The following PRIM2 variants were observed in gnomAD, a reference collection of about 807,000 sequenced individuals.
PRIM2 encodes the protein DNA primase subunit 2.
Under a neutral mutation model 67.3 loss-of-function variants are expected in PRIM2, and 39 were observed. The observed-to-expected ratio is 0.58, with a 90% CI of 0.45 to 0.76. PRIM2 has a LOEUF of 0.76. PRIM2 is among the 30% of genes least tolerant of loss of function. The probability of loss-of-function intolerance (pLI) is 0.00; values close to 1 mark genes in which losing one functional copy is unlikely to be tolerated. For synonymous variants in PRIM2, 143 were observed against 198.7 expected (o/e 0.72, Z 2.36); for missense variants, 398 against 598.7 (o/e 0.66, Z 3.50).
At chr6:57,638,162 C>T (rs1471373831) in intron 13 of PRIM2, among the ~76,000 whole-genome samples, 33 of 152,122 alleles carry the variant, frequency 2.2e-4, no homozygotes, top group East Asian at 1.7e-3. Context: ...CCTTCATAAG[C>T]GAAGGAGAAA....
chr6:57,292,575 C>G, the PRIM2 span, among the ~76,000 whole-genome samples: 1 of 152,180 alleles, frequency 6.6e-6, no homozygotes, highest in Admixed American at 6.5e-5. Context: ...TTGGAGGCAT[C>G]ATGCTACCTG....
chr6:57,328,533 T>C (rs1767950434), intron 5 of PRIM2, among the ~76,000 whole-genome samples: 1 of 152,262 alleles, frequency 6.6e-6, no homozygotes, highest in South Asian at 2.1e-4. Flanking sequence ...TATTAATTTT[T>C]TAATTGCCAA....
At chr6:57,588,344 G>A (rs1339657659) in intron 10 of PRIM2, among the ~76,000 whole-genome samples, 2 of 151,822 alleles carry the variant, frequency 1.3e-5, no homozygotes, top group Non-Finnish European at 2.9e-5. Flanking sequence ...GGTGACTGTG[G>A]GGAAGGGGGC....
intron 7 of PRIM2, among the ~76,000 whole-genome samples, chr6:57,383,937 A>G (rs5004412): frequency 1.3e-5 from 2 of 152,258 alleles, no homozygotes; most frequent in East Asian, 3.9e-4. Flanking sequence ...GTTAGTTAGT[A>G]TTTTCTTTTC....
intron 10 of PRIM2, among the ~76,000 whole-genome samples, chr6:57,594,512 T>C (rs1776333485): frequency 1.3e-5 from 2 of 152,096 alleles, no homozygotes; most frequent in Non-Finnish European, 2.9e-5. Context: ...GTTCCAAATA[T>C]AGACCTACAC....
chr6:57,301,981 G>T, the PRIM2 span, among the ~76,000 whole-genome samples: 1 of 152,134 alleles, frequency 6.6e-6, no homozygotes, highest in Non-Finnish European at 1.5e-5. Flanking sequence ...ATTCAGGATA[G>T]GCACTTCAGA....
At chr6:57,420,274 G>A (rs1771423337) in intron 7 of PRIM2, among the ~76,000 whole-genome samples, 1 of 152,174 alleles carries the variant, frequency 6.6e-6, no homozygotes, top group Non-Finnish European at 1.5e-5. Flanking sequence ...GGAGGCCAAG[G>A]CGGGTAGATC....
chr6:57,320,917 T>C (rs987218000), intron 3 of PRIM2, among the ~76,000 whole-genome samples: 3 of 152,186 alleles, frequency 2.0e-5, no homozygotes, highest in East Asian at 1.9e-4. Flanking sequence ...TATAGATGCA[T>C]GCTCCAGGAA....
chr6:57,394,972 C>G (rs1430644793), intron 7 of PRIM2, among the ~76,000 whole-genome samples: 1 of 152,086 alleles, frequency 6.6e-6, no homozygotes, highest in Non-Finnish European at 1.5e-5. Context: ...CATTTATTGA[C>G]TTGCATATGT....
In PRIM2 at chr6:57,614,066, C is replaced by T. The variant is rs1461826828; in HGVS notation, c.1230+7609C>T. On this transcript the variant is annotated intron_variant, in intron 12 of 13. Transcript: ENST00000615550. Reference sequence around the variant, plus strand: ...CCCTGGGCCACGGACTGGTACTTGTCCATGGCCTGTTAGGAACAGCAGGAG... The same window carrying T: ...CCCTGGGCCACGGACTGGTACTTGTTCATGGCCTGTTAGGAACAGCAGGAG... Among the ~76,000 whole-genome samples the T allele has an allele frequency of 7.4e-3, 1,123 of 151,740 alleles. 5 individuals are homozygous for T. Among genetic ancestry groups the T allele is most frequent in the Middle Eastern group, 0.017 (5 of 292 alleles).
rs1434489027 is a variant in PRIM2, at chr6:57,638,755, A to G, written c.1299+6554A>G. On this transcript the variant is annotated intron_variant, in intron 13 of 13. Transcript: ENST00000615550. ...ACCCAATACAGGAGTGGCCAGATTC[A>G]TAAAGCGAGTTCTTAGAGATGTACA... Among the ~76,000 whole-genome samples, 19 of 152,252 alleles carry G rather than the reference A, an allele frequency of 1.2e-4. No homozygotes were observed. The South Asian group carries it at 3.3e-3, about 27-fold the overall frequency.
chr6:57,435,402 T>C (rs1771978046), intron 7 of PRIM2, among the ~76,000 whole-genome samples: 1 of 152,172 alleles, frequency 6.6e-6, no homozygotes, highest in South Asian at 2.1e-4. Context: ...CCTGAGACTC[T>C]TTTTTCACCT....
chr6:57,450,418 C>G (rs1459917522), intron 7 of PRIM2, among the ~76,000 whole-genome samples: 4 of 152,146 alleles, frequency 2.6e-5, no homozygotes, highest in African/African-American at 9.7e-5. Context: ...TTTGAGTGCT[C>G]TTTGATTCTT....
chr6:57,371,808 A>G (rs918917417), intron 5 of PRIM2, among the ~76,000 whole-genome samples: 6 of 152,240 alleles, frequency 3.9e-5, no homozygotes, highest in African/African-American at 7.2e-5. Context: ...TTTGAGAATT[A>G]TAACTTGGCT....
At chr6:57,571,660 C>G (rs1376855956) in intron 10 of PRIM2, among the ~76,000 whole-genome samples, 1 of 149,560 alleles carries the variant, frequency 6.7e-6, no homozygotes, top group Non-Finnish European at 1.5e-5. Context: ...AAAAAGAAAC[C>G]AAAACAAAAC....
intron 7 of PRIM2, among the ~76,000 whole-genome samples, chr6:57,461,536 A>T (rs1773001705): frequency 6.6e-6 from 1 of 152,062 alleles, no homozygotes; most frequent in Admixed American, 6.6e-5. Context: ...AGTGAATTCA[A>T]TGCAAGTTTA....
intron 10 of PRIM2, among the ~76,000 whole-genome samples, chr6:57,551,812 T>A (rs1775409551): frequency 6.6e-6 from 1 of 152,232 alleles, no homozygotes; most frequent in Non-Finnish European, 1.5e-5. Flanking sequence ...TGCTGTTTAG[T>A]GCCTGGATGT....
the PRIM2 span, among the ~76,000 whole-genome samples, chr6:57,246,502 G>A: frequency 6.6e-6 from 1 of 152,182 alleles, no homozygotes; most frequent in East Asian, 1.9e-4. Context: ...TGATGGGGGA[G>A]GAGCAGGAGT....
chr6:57,389,149 G>T (rs1770245861), intron 7 of PRIM2, among the ~76,000 whole-genome samples: 2 of 152,124 alleles, frequency 1.3e-5, no homozygotes, highest in Admixed American at 6.5e-5. Context: ...CTGTCACCCA[G>T]GCTGGAGTGC....
Sources: allele counts gnomAD v4.1 joint callset (sites outside exome capture counted in the v4.1 genomes callset), GRCh38; gene constraint gnomAD v4.1.1; transcripts MANE v1.5; gene names NCBI Gene and HGNC (gene_info 2026-07-23, HGNC 2026-07-21).